RAX2: variants seen among roughly 807,000 people sequenced by gnomAD.
RAX2 encodes retina and anterior neural fold homeobox protein 2.
RAX2 carries 4 observed loss-of-function variants against 5.8 expected under a neutral mutation model. The observed-to-expected ratio is 0.69, with a 90% CI of 0.34 to 1.58. The LOEUF (loss-of-function observed/expected upper bound fraction) is 1.58, where lower values mean the gene tolerates loss of function less well. Ranked by LOEUF, RAX2 falls within the 40% of genes most tolerant of loss-of-function variation. The pLI is 0.05. For missense variants in RAX2, 275 were observed against 271.4 expected (o/e 1.01, Z -0.09); for synonymous variants, 133 against 128.8 (o/e 1.03, Z -0.22).
chr19:3,770,289 G>A lies in RAX2; in HGVS notation c.*332C>T, dbSNP rs1025265039. The A allele has an allele frequency of 7.9e-6, 3 of 380,636 alleles. No individual in the cohort carries two copies. Among genetic ancestry groups the A allele is most frequent in the Non-Finnish European group, 1.4e-5 (3 of 211,452 alleles). 23.6% of individuals were successfully genotyped at this position (380,636 alleles called of 1,614,324 possible). On this transcript the variant is annotated 3_prime_UTR_variant, in exon 3 of 3. Coordinates refer to ENST00000555633, the MANE Select transcript of RAX2 (RefSeq NM_001319074.4). ...CACAGCCTCGCAGCCCTCGAACCTC[G>A]GAGGCCCCCACGCCCAATTAACAGA...
chr19:3,771,975 C>G lies in RAX2; in HGVS notation c.-233G>C. 1.4e-6 allele frequency: 1 copy of G among 712,336 alleles called. No homozygotes were observed. Among genetic ancestry groups the G allele is most frequent in the Middle Eastern group, 2.7e-4 (1 of 3,638 alleles). The allele number at this position is 712,336 out of a possible 1,614,324, so 44.1% of individuals were successfully genotyped here. ...CCTTCTCTCTGTGTGTGTCACCGTC[C>G]CTGTTTTCTCTTCCCCTCTCTGTGA... is the stretch of plus-strand genomic sequence containing the variant. On this transcript the variant is annotated 5_prime_UTR_variant, in exon 2 of 3. Transcript: ENST00000555633. This position sits in a 1 kb window ranked among gnomAD's most constrained non-coding sequence, Gnocchi z 4.2.
rs2037252697 is a variant in RAX2 at position 3,771,013 on chromosome 19, A to C, written c.217-54T>G. 7.2e-7 allele frequency: 1 copy of C among 1,385,796 alleles called. No individual in the cohort carries two copies. The highest frequency in any genetic ancestry group is 1.4e-5 in the African/African-American group (1 of 69,988). The allele number at this position is 1,385,796 out of a possible 1,614,324, so 85.8% of individuals were successfully genotyped here. A position where few individuals can be genotyped will look rare whatever the true frequency, so the allele number is the denominator to read the frequency against. The stretch of plus-strand genomic sequence containing the variant: ...GCTGTGAGCTCAGCCGCTCCCCGCC[A>C]ATCCTCGGACCCCCTCTGCACACCC... On this transcript the variant is annotated intron_variant, in intron 2 of 2. Coordinates refer to ENST00000555633, the MANE Select transcript of RAX2 (RefSeq NM_001319074.4). The surrounding 1 kb of genome is among the most constrained non-coding windows in gnomAD (Gnocchi z 4.2).
chr19:3,770,803 CG>C lies in RAX2; in HGVS notation c.372del (p.Gly125AspfsTer89). 6.6e-7 allele frequency: 1 copy of C among 1,519,292 alleles called. No homozygotes were observed. The highest frequency in any genetic ancestry group is 8.8e-7 in the Non-Finnish European group (1 of 1,139,816). 94.1% of individuals were successfully genotyped at this position (1,519,292 alleles called of 1,614,324 possible). A position where few individuals can be genotyped will look rare whatever the true frequency, so the allele number is the denominator to read the frequency against. On this transcript the variant is annotated frameshift_variant, in exon 3 of 3. Coordinates refer to ENST00000555633, the MANE Select transcript of RAX2 (RefSeq NM_001319074.4). LOFTEE classifies it low-confidence loss of function (END_TRUNC). ...GGGAGGCCTGGCACGGCCGGCGGTC[CG>C]GGGCCCAACCAGGGCTCCAGGGGCA... ...MSLPLEPWLG[P>X]GPPAVPGLPR...
chr19:3,771,891 T>A lies in RAX2; in HGVS notation c.-149A>T, dbSNP rs2037268222. On this transcript the variant is annotated 5_prime_UTR_variant, in exon 2 of 3. It removes an upstream start codon present in the reference 5' UTR. Transcript: ENST00000555633. The surrounding 1 kb of genome is among the most constrained non-coding windows in gnomAD (Gnocchi z 4.2). Reference sequence around the variant, plus strand: ...CACTGGGGCCGGCATGCGCTCTGCATCCCCAGGCTGTCCTCCTCGGGCTTG... The same window carrying A: ...CACTGGGGCCGGCATGCGCTCTGCAACCCCAGGCTGTCCTCCTCGGGCTTG... 1 of 1,425,418 alleles carries A rather than the reference T, an allele frequency of 7.0e-7. No individual in the cohort carries two copies. 88.3% of individuals were successfully genotyped at this position (1,425,418 alleles called of 1,614,324 possible). A position where few individuals can be genotyped will look rare whatever the true frequency, so the allele number is the denominator to read the frequency against.
Position 3,771,924 on chromosome 19 carries a change from C to T in RAX2, c.-182G>A. The T allele has an allele frequency of 2.6e-6, 3 of 1,156,568 alleles. No individual in the cohort carries two copies. The highest frequency in any genetic ancestry group is 3.6e-6 in the Non-Finnish European group (3 of 844,370). 71.6% of individuals were successfully genotyped at this position (1,156,568 alleles called of 1,614,324 possible). ...CTGTCCTCCTCGGGCTTGGGGGGGTCTCCTGCTGTGCCTCTGTCTGCTCTT... is the reference window on the plus strand; with the variant it reads ...CTGTCCTCCTCGGGCTTGGGGGGGTTTCCTGCTGTGCCTCTGTCTGCTCTT... On this transcript the variant is annotated 5_prime_UTR_variant, in exon 2 of 3. Coordinates refer to ENST00000555633, the MANE Select transcript of RAX2 (RefSeq NM_001319074.4). The surrounding 1 kb of genome is among the most constrained non-coding windows in gnomAD (Gnocchi z 4.2).
chr19:3,770,979 A>C lies in RAX2; in HGVS notation c.217-20T>G. 1 of 1,533,446 alleles carries C rather than the reference A, an allele frequency of 6.5e-7. No homozygotes were observed. Among genetic ancestry groups the C allele is most frequent in the Non-Finnish European group, 8.8e-7 (1 of 1,140,406 alleles). 95.0% of individuals were successfully genotyped at this position (1,533,446 alleles called of 1,614,324 possible). Reference sequence around the variant, plus strand: ...CCACACCTGGAGGGTGCGAGAGGGAAGGGGGGTTGCTGTGAGCTCAGCCGC... The same window carrying C: ...CCACACCTGGAGGGTGCGAGAGGGACGGGGGGTTGCTGTGAGCTCAGCCGC... On this transcript the variant is annotated intron_variant, in intron 2 of 2. Transcript: ENST00000555633.
At position 3,771,820 on chromosome 19, in the gene RAX2, G is replaced by A. The variant is rs1298424521; in HGVS notation, c.-78C>T. 1 of 1,487,780 alleles carries A rather than the reference G, an allele frequency of 6.7e-7. No homozygotes were observed. The highest frequency in any genetic ancestry group is 2.5e-5 in the East Asian group (1 of 40,442). 92.2% of individuals were successfully genotyped at this position (1,487,780 alleles called of 1,614,324 possible). ...GGGGCTACCGGCAGGGACAGGGCAG[G>A]GGAGCCCCAGGCTTGCCTCCCGGCT... On this transcript the variant is annotated 5_prime_UTR_variant, in exon 2 of 3. Transcript: ENST00000555633. The surrounding 1 kb of genome is among the most constrained non-coding windows in gnomAD (Gnocchi z 4.2).
At position 3,771,686 on chromosome 19, in the gene RAX2, G is replaced by A. The variant is rs769403788; in HGVS notation, c.57C>T (p.Gly19=). ...PATEGGGLGP[G]EEAPKKKHRR... is the part of the protein sequence containing the mutation. ...GGTGCTTCTTCTTGGGGGCCTCCTC[G>A]CCCGGCCCCAGACCCCCACCCTCGG... The change falls in exon 2 of 3, where the codon GGC becomes GGT. Residue 19 remains glycine (G), a synonymous_variant. Coordinates refer to ENST00000555633, the MANE Select transcript of RAX2 (RefSeq NM_001319074.4). The surrounding 1 kb of genome is among the most constrained non-coding windows in gnomAD (Gnocchi z 4.2). 11 of 1,612,154 alleles carry A rather than the reference G, an allele frequency of 6.8e-6. No individual in the cohort carries two copies. Among genetic ancestry groups the A allele is most frequent in the Non-Finnish European group, 8.5e-6 (10 of 1,179,864 alleles).
chr19:3,772,082 C>T (rs1042061227), intron 1 of RAX2, 72 bp from the exon 2 acceptor site: 15 of 443,786 alleles, frequency 3.4e-5, no homozygotes, highest in African/African-American at 6.1e-5. Flanking sequence ...TCCCTTCTCA[C>T]GCCCTAAGCC....
chr19:3,771,912 G>T lies in RAX2; in HGVS notation c.-170C>A. On this transcript the variant is annotated 5_prime_UTR_variant, in exon 2 of 3. Coordinates refer to ENST00000555633, the MANE Select transcript of RAX2 (RefSeq NM_001319074.4). This position sits in a 1 kb window ranked among gnomAD's most constrained non-coding sequence, Gnocchi z 4.2. ...TGCATCCCCAGGCTGTCCTCCTCGGGCTTGGGGGGGTCTCCTGCTGTGCCT... is the reference window on the plus strand; with the variant it reads ...TGCATCCCCAGGCTGTCCTCCTCGGTCTTGGGGGGGTCTCCTGCTGTGCCT... The T allele has an allele frequency of 7.8e-7, 1 of 1,280,312 alleles. No homozygotes were observed. The highest frequency in any genetic ancestry group is 1.0e-6 in the Non-Finnish European group (1 of 957,166). 79.3% of individuals were successfully genotyped at this position (1,280,312 alleles called of 1,614,324 possible).
In RAX2 at chr19:3,769,340, A is replaced by G; in HGVS notation, c.*1281T>C. 1 of 152,282 alleles carries G rather than the reference A, an allele frequency of 6.6e-6. No individual in the cohort carries two copies. The highest frequency in any genetic ancestry group is 1.5e-5 in the Non-Finnish European group (1 of 68,088). 9.4% of individuals were successfully genotyped at this position (152,282 alleles called of 1,614,324 possible). On this transcript the variant is annotated 3_prime_UTR_variant, in exon 3 of 3. Transcript: ENST00000555633. ...TGGTCTCAAGCAATCCTCCCACCTCAGCCTCCCAAAGCACTGGGATTACAG... is the reference window on the plus strand; with the variant it reads ...TGGTCTCAAGCAATCCTCCCACCTCGGCCTCCCAAAGCACTGGGATTACAG...
In RAX2 at chr19:3,772,215, C is replaced by G. The variant is rs1407741009; in HGVS notation, c.-321G>C. 2.2e-6 allele frequency: 1 copy of G among 451,102 alleles called. No individual in the cohort carries two copies. The highest frequency in any genetic ancestry group is 4.5e-6 in the Non-Finnish European group (1 of 224,252). The allele number at this position is 451,102 out of a possible 1,614,324, so 27.9% of individuals were successfully genotyped here. A position where few individuals can be genotyped will look rare whatever the true frequency, so the allele number is the denominator to read the frequency against. ...CCACGGGACACCTGCCCCAGCGGGC[C>G]TGGCGCTGCGTCTGCTGTGGCCTGG... On this transcript the variant is annotated 5_prime_UTR_variant, in exon 1 of 3. Transcript: ENST00000555633.
rs748896187 is a variant in RAX2, at chr19:3,771,534, C to T, written c.209G>A (p.Arg70His). The part of the protein sequence containing the change: ...LAAKVHLPEV[R>H]VQVWFQNRRA... ...GTTGGGGGGTGCCCTCACCTGCACGCGCACCTCAGGTAGGTGCACCTTGGC... is the reference window on the plus strand; with the variant it reads ...GTTGGGGGGTGCCCTCACCTGCACGTGCACCTCAGGTAGGTGCACCTTGGC... Residue 70 changes from arginine (R) to histidine (H), a missense_variant, in exon 2 of 3, where the codon CGC (arginine) becomes CAC (histidine). Arg to His is a conservative substitution (Grantham distance 29, BLOSUM62 0). Transcript: ENST00000555633. This position sits in a 1 kb window ranked among gnomAD's most constrained non-coding sequence, Gnocchi z 4.2. 4.7e-5 allele frequency: 75 copies of T among 1,596,854 alleles called. No individual in the cohort carries two copies. The highest frequency in any genetic ancestry group is 3.9e-4 in the Admixed American group (22 of 56,996).
At position 3,769,527 on chromosome 19, in the gene RAX2, TGGTGATCTGGG is replaced by T. The variant is rs945501026; in HGVS notation, c.*1083_*1093del. 1.3e-5 allele frequency: 2 copies of T among 151,716 alleles called. No individual in the cohort carries two copies. Among genetic ancestry groups the T allele is most frequent in the Admixed American group, 6.6e-5 (1 of 15,250 alleles). 9.4% of individuals were successfully genotyped at this position (151,716 alleles called of 1,614,324 possible). A position where few individuals can be genotyped will look rare whatever the true frequency, so the allele number is the denominator to read the frequency against. On this transcript the variant is annotated 3_prime_UTR_variant, in exon 3 of 3. Coordinates refer to ENST00000555633, the MANE Select transcript of RAX2 (RefSeq NM_001319074.4). ...GGTGCCGCCTAGAGATGGGGTGACC[TGGTGATCTGGG>T]AGTGATCTGGGGAGCCCAGGCTGGA...
At position 3,771,065 on chromosome 19, in the gene RAX2, T is replaced by A; in HGVS notation, c.217-106A>T. ...AGCCCTGGGGGTTCTGACTCCCGTC[T>A]GACCCGACTCCTACCTGCTGCTTCG... is the stretch of plus-strand genomic sequence containing the variant. On this transcript the variant is annotated intron_variant, in intron 2 of 2. Coordinates refer to ENST00000555633, the MANE Select transcript of RAX2 (RefSeq NM_001319074.4). The surrounding 1 kb of genome is among the most constrained non-coding windows in gnomAD (Gnocchi z 4.2). 1.2e-6 allele frequency: 1 copy of A among 839,684 alleles called. No homozygotes were observed. Among genetic ancestry groups the A allele is most frequent in the Non-Finnish European group, 1.9e-6 (1 of 523,506 alleles). The allele number at this position is 839,684 out of a possible 1,614,324, so 52.0% of individuals were successfully genotyped here.
Position 3,771,494 on chromosome 19 carries a change from G to A in RAX2, c.216+33C>T, listed in dbSNP as rs1568401013. 2 of 1,527,332 alleles carry A rather than the reference G, an allele frequency of 1.3e-6. No individual in the cohort carries two copies. Among genetic ancestry groups the A allele is most frequent in the Non-Finnish European group, 1.8e-6 (2 of 1,122,026 alleles). 94.6% of individuals were successfully genotyped at this position (1,527,332 alleles called of 1,614,324 possible). On this transcript the variant is annotated intron_variant, in intron 2 of 2. Transcript: ENST00000555633. The surrounding 1 kb of genome is among the most constrained non-coding windows in gnomAD (Gnocchi z 4.2). Reference sequence around the variant, plus strand: ...CTTGCTTTGCCTCCCTCCCCAGGTTGCAAAAGATGTGTGTGTTGGGGGGTG... The same window carrying A: ...CTTGCTTTGCCTCCCTCCCCAGGTTACAAAAGATGTGTGTGTTGGGGGGTG...
Position 3,771,113 on chromosome 19 carries a change from G to A in RAX2, c.217-154C>T, listed in dbSNP as rs79850405. ...TCGCTGTTCTGCCCCAAGAAGATGA[G>A]GATCTCCCAAGCGTTCCCTAAGCCC... On this transcript the variant is annotated intron_variant, in intron 2 of 2. Transcript: ENST00000555633. The surrounding 1 kb of genome is among the most constrained non-coding windows in gnomAD (Gnocchi z 4.2). 0.041 allele frequency among the ~76,000 whole-genome samples: 6,300 copies of A among 152,152 alleles called. 228 individuals carry two copies. The highest frequency in any genetic ancestry group is 0.16 in the East Asian group (810 of 5,154).
rs2037252880 is a variant in RAX2 at position 3,771,027 on chromosome 19, C to T, written c.217-68G>A. The T allele has an allele frequency of 2.4e-6, 3 of 1,240,136 alleles. No individual in the cohort carries two copies. Among genetic ancestry groups the T allele is most frequent in the Non-Finnish European group, 2.3e-6 (2 of 879,920 alleles). 76.8% of individuals were successfully genotyped at this position (1,240,136 alleles called of 1,614,324 possible). A position where few individuals can be genotyped will look rare whatever the true frequency, so the allele number is the denominator to read the frequency against. On this transcript the variant is annotated intron_variant, in intron 2 of 2. Coordinates refer to ENST00000555633, the MANE Select transcript of RAX2 (RefSeq NM_001319074.4). The surrounding 1 kb of genome is among the most constrained non-coding windows in gnomAD (Gnocchi z 4.2). The stretch of plus-strand genomic sequence containing the variant: ...CGCTCCCCGCCAATCCTCGGACCCC[C>T]TCTGCACACCCCAGCCCTGGGGGTT...
In RAX2 at chr19:3,770,880, C is replaced by T. The variant is rs1445024391; in HGVS notation, c.296G>A (p.Arg99Lys). ...CGGCAGCGCTGGGGCCTCGGGGAGT[C>T]TCGGAGCTGCCACGGCACCCGAGCC... is the stretch of plus-strand genomic sequence containing the variant. The part of the protein sequence containing the change: ...ESGSGAVAAP[R>K]LPEAPALPFA... Residue 99 changes from arginine (R) to lysine (K), a missense_variant, in exon 3 of 3, where the codon AGA becomes AAA. Coordinates refer to ENST00000555633, the MANE Select transcript of RAX2 (RefSeq NM_001319074.4). 6.5e-7 allele frequency: 1 copy of T among 1,538,020 alleles called. No individual in the cohort carries two copies. The highest frequency in any genetic ancestry group is 1.4e-5 in the African/African-American group (1 of 73,216).
Sources: gnomAD v4.1 joint callset for allele counts (sites outside exome capture counted in the v4.1 genomes callset) on GRCh38, gnomAD v4.1.1 for gene constraint, Gnocchi (gnomAD v3.1) non-coding constraint, MANE v1.5 for transcripts, NCBI Gene and HGNC (gene_info 2026-07-23, HGNC 2026-07-21) for gene names.